Variants in TRPM3 observed in about 807,000 individuals in gnomAD.
TRPM3 encodes long transient receptor potential channel 3.
A neutral mutation model predicts 181.2 loss-of-function variants in TRPM3; 77 were observed. The ratio of observed to expected loss-of-function variants is 0.42; its 90% CI spans 0.35 to 0.51. TRPM3 has a LOEUF of 0.51. Ranked by LOEUF, TRPM3 falls within the 20% of genes least tolerant of loss-of-function variation. TRPM3 has a pLI of 0.01. For missense variants in TRPM3, 1,759 were observed against 2,196.7 expected, an observed-to-expected ratio of 0.80 and a Z score of 3.98; for synonymous variants, 745 against 796.4, an observed-to-expected ratio of 0.94 and a Z score of 1.09.
At chr9:71,015,179 C>T (rs560065314) in intron 1 of TRPM3, among the ~76,000 whole-genome samples, 154 of 152,170 alleles carry the variant, frequency 1.0e-3, no homozygotes, top group Non-Finnish European at 1.7e-3. Context: ...ATACTGACTC[C>T]CTCTATTTAA....
At chr9:71,303,461 C>A (rs548926515) in intron 1 of TRPM3, among the ~76,000 whole-genome samples, 1 of 152,262 alleles carries the variant, frequency 6.6e-6, no homozygotes, top group South Asian at 2.1e-4. Flanking sequence ...TAATAAAAAT[C>A]TCAAGATGGA....
intron 1 of TRPM3, among the ~76,000 whole-genome samples, chr9:71,045,295 C>T (rs1316324472): frequency 6.6e-6 from 1 of 152,072 alleles, no homozygotes; most frequent in Non-Finnish European, 1.5e-5. Context: ...AATCCTCCTT[C>T]CATGTCACCT....
chr9:70,817,806 T>C (rs1319950884), intron 6 of TRPM3, among the ~76,000 whole-genome samples: 1 of 152,118 alleles, frequency 6.6e-6, no homozygotes, highest in South Asian at 2.1e-4. Context: ...TAAATGAGAC[T>C]TATCTAACCA....
At chr9:70,624,804 T>A (rs1195874985) in intron 14 of TRPM3, among the ~76,000 whole-genome samples, 2 of 152,242 alleles carry the variant, frequency 1.3e-5, no homozygotes, top group Non-Finnish European at 2.9e-5. Context: ...TTTGAAAATA[T>A]GTTTTTGTTT....
chr9:70,938,976 A>T (rs1279155454), intron 1 of TRPM3, among the ~76,000 whole-genome samples: 3 of 151,554 alleles, frequency 2.0e-5, no homozygotes, highest in Admixed American at 6.6e-5. Flanking sequence ...AAATAAAAAT[A>T]AAAAATAAAA....
At chr9:70,881,268 T>C (rs1035307097) in intron 1 of TRPM3, among the ~76,000 whole-genome samples, 1 of 152,144 alleles carries the variant, frequency 6.6e-6, no homozygotes, top group Non-Finnish European at 1.5e-5. Context: ...TTTATCATAA[T>C]AGGTGGCTGA....
At chr9:70,957,389 G>A (rs925192654) in intron 1 of TRPM3, among the ~76,000 whole-genome samples, 1 of 152,236 alleles carries the variant, frequency 6.6e-6, no homozygotes, top group Non-Finnish European at 1.5e-5. Flanking sequence ...ATGAAGCATC[G>A]ACTACTTGTT....
chr9:70,933,141 T>G lies in TRPM3; in HGVS notation c.178-68630A>C, dbSNP rs565534240. 3.9e-5 allele frequency among the ~76,000 whole-genome samples: 6 copies of G among 152,312 alleles called. No individual in the cohort carries two copies. The South Asian group carries it at 1.2e-3, about 32-fold the overall frequency. ...GATCAAGATTCAGTTGAGAATATCA[T>G]GCATTCAGTCTGGGTTTGCAACGTT... On this transcript the variant is annotated intron_variant, in intron 1 of 25. Coordinates refer to ENST00000677713, the MANE Select transcript of TRPM3 (RefSeq NM_001366145.2).
intron 25 of TRPM3, among the ~76,000 whole-genome samples, chr9:70,538,398 T>C (rs779764507): frequency 1.3e-5 from 2 of 152,144 alleles, no homozygotes; most frequent in African/African-American, 4.8e-5. Flanking sequence ...CCCAAAGTGC[T>C]GGGATTACAG....
In TRPM3 at chr9:71,325,756, C is replaced by CCACACA. The variant is rs112291932; in HGVS notation, c.183+120891_183+120896dup. Among the ~76,000 whole-genome samples the CCACACA allele has an allele frequency of 9.0e-4, 135 of 149,962 alleles. 1 individual carries two copies. The highest frequency in any genetic ancestry group is 5.9e-3 in the South Asian group (28 of 4,754). On this transcript the variant is annotated intron_variant, in intron 1 of 24. Coordinates refer to the TRPM3 transcript ENST00000357533. The stretch of plus-strand genomic sequence containing the variant: ...CTCCCTCTCATTCACACCCACCCAC[C>CCACACA]CACACACACACACACACAAAGTGAC...
chr9:71,057,876 C>A (rs12338147), intron 1 of TRPM3, among the ~76,000 whole-genome samples: 2,214 of 152,086 alleles, frequency 0.015, 57 homozygotes, highest in African/African-American at 0.05. Flanking sequence ...AAGCAATAGG[C>A]AGTTACATGT....
At chr9:71,278,885 A>G (rs1347891021) in intron 1 of TRPM3, among the ~76,000 whole-genome samples, 1 of 152,142 alleles carries the variant, frequency 6.6e-6, no homozygotes, top group African/African-American at 2.4e-5. Flanking sequence ...AGAAAATACC[A>G]GTGCCCAACA....
Position 70,908,046 on chromosome 9 carries a change from T to C in TRPM3, c.178-43535A>G, listed in dbSNP as rs112495898. 5.8e-3 allele frequency among the ~76,000 whole-genome samples: 889 copies of C among 152,306 alleles called. 5 individuals are homozygous for C. Among genetic ancestry groups the C allele is most frequent in the Non-Finnish European group, 9.8e-3 (667 of 68,018 alleles). On this transcript the variant is annotated intron_variant, in intron 1 of 25. Transcript: ENST00000677713. ...TGCAGGTATACTTTTGGGAGGACAA[T>C]TTATTTTCCTTTGTGTATCTATCTA...
intron 1 of TRPM3, among the ~76,000 whole-genome samples, chr9:71,397,730 T>C (rs967832726): frequency 3.9e-5 from 6 of 152,134 alleles, no homozygotes; most frequent in Non-Finnish European, 8.8e-5. Context: ...TGGTCTAATA[T>C]TACGTTTATG....
intron 22 of TRPM3, among the ~76,000 whole-genome samples, chr9:70,570,823 AG>A (rs1371979830): frequency 2.0e-5 from 3 of 152,230 alleles, no homozygotes; most frequent in Non-Finnish European, 1.5e-5. Context: ...TCAATTGCAA[AG>A]AAAATATAGG....
At chr9:71,365,566 A>G (rs998856439) in intron 1 of TRPM3, among the ~76,000 whole-genome samples, 12 of 152,310 alleles carry the variant, frequency 7.9e-5, no homozygotes, top group African/African-American at 2.6e-4. Context: ...TATGTGGCTT[A>G]GCAAAAAAAC....
chr9:70,843,231 G>T lies in TRPM3; in HGVS notation c.677-104C>A. On this transcript the variant is annotated intron_variant, in intron 4 of 25. Coordinates refer to ENST00000677713, the MANE Select transcript of TRPM3 (RefSeq NM_001366145.2). ...GGTTTCTCCCGAGGTTAAATAAATT[G>T]AATATAAAATTTTGACACATTTCTA... 1.8e-5 allele frequency: 23 copies of T among 1,255,576 alleles called. No homozygotes were observed. The South Asian group carries it at 3.5e-4, about 19-fold the overall frequency. 77.8% of individuals were successfully genotyped at this position (1,255,576 alleles called of 1,614,324 possible).
chr9:70,926,086 G>A (rs1017826200), intron 1 of TRPM3, among the ~76,000 whole-genome samples: 3 of 151,638 alleles, frequency 2.0e-5, no homozygotes, highest in African/African-American at 7.3e-5. Flanking sequence ...ACATAGAAAA[G>A]TCATCCATGT....
chr9:70,997,446 C>T (rs370428684), intron 1 of TRPM3, among the ~76,000 whole-genome samples: 16 of 152,310 alleles, frequency 1.1e-4, no homozygotes, highest in Middle Eastern at 3.4e-3. Context: ...CTGCCTGCCT[C>T]GCCCTCCCAA....
Sources: allele counts gnomAD v4.1 joint callset (sites outside exome capture counted in the v4.1 genomes callset), GRCh38; gene constraint gnomAD v4.1.1; transcripts MANE v1.5; gene names NCBI Gene and HGNC (gene_info 2026-07-23, HGNC 2026-07-21).